The following ACIN1 variants were observed in gnomAD, a reference collection of about 807,000 sequenced individuals.
The protein encoded by ACIN1 is apoptotic chromatin condensation inducer in the nucleus.
In ACIN1, 16 loss-of-function variants were observed where a neutral mutation model predicts 146.6. The observed-to-expected ratio is 0.11, with a 90% CI of 0.07 to 0.17. The LOEUF is 0.17. ACIN1 is among the 10% of genes least tolerant of loss of function. The pLI is 1.00. For missense variants in ACIN1, 1,357 were observed against 1,609.3 expected (o/e 0.84, Z 2.68); for synonymous variants, 569 against 582.7 (o/e 0.98, Z 0.34).
At chr14:23,094,294 T>A (rs1440787228) in intron 1 of ACIN1, among the ~76,000 whole-genome samples, 3 of 152,108 alleles carry the variant, frequency 2.0e-5, no homozygotes, top group Non-Finnish European at 4.4e-5. Context: ...TACACTTGAA[T>A]CGAGCTACAC....
At chr14:23,062,076 G>C in intron 16 of ACIN1, 92 bp downstream of exon 16, 1 of 1,020,708 alleles carries the variant, frequency 9.8e-7, no homozygotes, top group East Asian at 2.4e-5. Context: ...CAGAAGCTCA[G>C]AGACTGCAGG....
In ACIN1 at chr14:23,059,135, AGTG is replaced by A. The variant is rs1159891575; in HGVS notation, c.*10_*12del. On this transcript the variant is annotated 3_prime_UTR_variant, in exon 19 of 19. Coordinates refer to ENST00000605057, the MANE Select transcript of ACIN1 (RefSeq NM_001386863.1). ...CCGAGTGGCTGGTACCTGCAGCTCT[AGTG>A]TTTTCCCAGCTAGCGGCGCCCACCC... The A allele has an allele frequency of 6.2e-7, 1 of 1,611,556 alleles. No individual in the cohort carries two copies. Among genetic ancestry groups the A allele is most frequent in the Non-Finnish European group, 8.5e-7 (1 of 1,178,756 alleles).
chr14:23,067,960 C>T lies in ACIN1; in HGVS notation c.2265+1516G>A. ...GTTGTGGCTGGCATCTCCTCAGGGA[C>T]TCCAGCTGAGACAGTGGTTCCAGTC... On this transcript the variant is annotated intron_variant, in intron 9 of 18. Transcript: ENST00000605057. This position sits in a 1 kb window ranked among gnomAD's most constrained non-coding sequence, Gnocchi z 4.6. 2 of 985,860 alleles carry T rather than the reference C, an allele frequency of 2.0e-6. No homozygotes were observed. Among genetic ancestry groups the T allele is most frequent in the Non-Finnish European group, 2.4e-6 (2 of 829,940 alleles). 61.1% of individuals were successfully genotyped at this position (985,860 alleles called of 1,614,324 possible).
In ACIN1 at chr14:23,059,546, C is replaced by G. The variant is rs2047200130; in HGVS notation, c.3526-72G>C. 2.4e-6 allele frequency: 3 copies of G among 1,242,838 alleles called. No individual in the cohort carries two copies. The African/African-American group carries it at 4.4e-5, about 18-fold the overall frequency. 77.0% of individuals were successfully genotyped at this position (1,242,838 alleles called of 1,614,324 possible). ...CACAGCCTCCATTTGTGCCTGGACC[C>G]TGCCTCCTAGCTCAGGGTCAGCTTT... On this transcript the variant is annotated intron_variant, in intron 18 of 18. Coordinates refer to ENST00000605057, the MANE Select transcript of ACIN1 (RefSeq NM_001386863.1).
intron 15 of ACIN1, 38 bp downstream of exon 15, chr14:23,062,378 A>G (rs1360445857): frequency 6.2e-7 from 1 of 1,610,380 alleles, no homozygotes; most frequent in Admixed American, 1.7e-5. Context: ...AAAAGGAAAT[A>G]TATGCCATGA....
chr14:23,080,246 C>T lies in ACIN1; in HGVS notation c.1089G>A (p.Lys363=), dbSNP rs754350134. 2 of 1,614,200 alleles carry T rather than the reference C, an allele frequency of 1.2e-6. No homozygotes were observed. Among genetic ancestry groups the T allele is most frequent in the South Asian group, 1.1e-5 (1 of 91,068 alleles). Residue 363 remains lysine, a synonymous_variant, in exon 6 of 19, where the codon AAG becomes AAA. Transcript: ENST00000605057. ...GATGAGGTGGTGGAGAAGATGCTTC[C>T]TTTGTTAGTAAAGGTGGAGGAGTCT... ...EEETPPPLLT[K]EASSPPPHPQ...
rs2048186092 is a variant in ACIN1, at chr14:23,089,973, G to A, written c.436+9C>T. 1 of 1,605,554 alleles carries A rather than the reference G, an allele frequency of 6.2e-7. No individual in the cohort carries two copies. Among genetic ancestry groups the A allele is most frequent in the Non-Finnish European group, 8.5e-7 (1 of 1,175,300 alleles). On this transcript the variant is annotated intron_variant, in intron 4 of 18. Coordinates refer to ENST00000605057, the MANE Select transcript of ACIN1 (RefSeq NM_001386863.1). ...GACAAAACAGCGCAGTGGGGAGGGA[G>A]ATACGTACTGGGCGAATGTCTGCTG...
intron 8 of ACIN1, among the ~76,000 whole-genome samples, chr14:23,074,796 T>C (rs754445899): frequency 6.6e-6 from 1 of 152,096 alleles, no homozygotes; most frequent in Non-Finnish European, 1.5e-5. Flanking sequence ...TAATATCACA[T>C]TACAACTCAT....
intron 14 of ACIN1, 37 bp from the exon 15 acceptor site, chr14:23,062,560 G>T: frequency 6.4e-7 from 1 of 1,559,406 alleles, no homozygotes; most frequent in Non-Finnish European, 8.8e-7. Context: ...TCTAGCAGAA[G>T]GCAAGACCAC....
intron 8 of ACIN1, among the ~76,000 whole-genome samples, chr14:23,070,404 C>T (rs1284192588): frequency 1.3e-5 from 2 of 152,122 alleles, no homozygotes; most frequent in African/African-American, 2.4e-5. Flanking sequence ...GTTTCTCCCA[C>T]TCCCTCATTC....
chr14:23,092,766 A>G (rs1176121507), intron 2 of ACIN1, among the ~76,000 whole-genome samples: 1 of 152,210 alleles, frequency 6.6e-6, no homozygotes, highest in African/African-American at 2.4e-5. Context: ...CAGAAACTCA[A>G]TAGTTAAAAA....
chr14:23,066,094 AGCTTAGCC>A (rs1454869903), intron 9 of ACIN1, 86 bp from the exon 10 acceptor site: 1 of 1,043,700 alleles, frequency 9.6e-7, no homozygotes, highest in African/African-American at 1.6e-5. Flanking sequence ...GGGCAGTCTT[AGCTTAGCC>A]TCCAAAGACA....
chr14:23,079,689 A>G lies in ACIN1; in HGVS notation c.1646T>C (p.Leu549Pro). ...DSSGSRSHSP[L>P]RSKQRDVAQA... ...GGCTACATCTCTCTGCTTGGATCTG[A>G]GCGGTGAATGAGACCGAGAACCTGA... Residue 549 changes from leucine (L) to proline (P), a missense_variant, in exon 6 of 19, where the codon CTC becomes CCC. Transcript: ENST00000605057. 6.2e-7 allele frequency: 1 copy of G among 1,614,048 alleles called. No homozygotes were observed. Among genetic ancestry groups the G allele is most frequent in the Non-Finnish European group, 8.5e-7 (1 of 1,180,012 alleles).
Position 23,061,492 on chromosome 14 carries a change from T to G in ACIN1, c.3230A>C (p.Gln1077Pro), listed in dbSNP as rs1376268946. The change falls in exon 17 of 19, where the codon CAG (glutamine) becomes CCG (proline). Residue 1077 changes from glutamine (Q) to proline (P), a missense_variant. Coordinates refer to ENST00000605057, the MANE Select transcript of ACIN1 (RefSeq NM_001386863.1). ...VQPPQHPRAE[Q>P]REQERAVREQ... ...CCGCACTGCCCGTTCCTGCTCCCGC[T>G]GCTCTGCCCGGGGGTGCTGTGGTGG... 2 of 1,353,368 alleles carry G rather than the reference T, an allele frequency of 1.5e-6. No homozygotes were observed. Among genetic ancestry groups the G allele is most frequent in the South Asian group, 2.3e-5 (2 of 87,708 alleles). 83.8% of individuals were successfully genotyped at this position (1,353,368 alleles called of 1,614,324 possible).
At chr14:23,085,843 A>C (rs755685478) in intron 4 of ACIN1, among the ~76,000 whole-genome samples, 1 of 152,252 alleles carries the variant, frequency 6.6e-6, no homozygotes, top group Admixed American at 6.5e-5. Context: ...GCTGATACTG[A>C]TAACAGGCTA....
At chr14:23,064,312 T>G (rs1233239516) in intron 11 of ACIN1, 43 bp downstream of exon 11, 2 of 1,613,988 alleles carry the variant, frequency 1.2e-6, no homozygotes, top group Non-Finnish European at 1.7e-6. Flanking sequence ...TACTCCCACC[T>G]TAACAGGTCT....
chr14:23,094,708 G>A (rs193186235), intron 1 of ACIN1: 15 of 657,902 alleles, frequency 2.3e-5, no homozygotes, highest in African/African-American at 2.2e-4. Flanking sequence ...GGAGGGGGTG[G>A]GGGAAGGAGG....
intron 9 of ACIN1, among the ~76,000 whole-genome samples, chr14:23,066,852 T>A (rs1566736781): frequency 6.6e-6 from 1 of 150,940 alleles, no homozygotes; most frequent in Non-Finnish European, 1.5e-5. Flanking sequence ...CCCCAAACAC[T>A]CAGTGGGTGA....
Position 23,077,424 on chromosome 14 carries a change from T to C in ACIN1, c.2123+727A>G, listed in dbSNP as rs199816153. Among the ~76,000 whole-genome samples the C allele has an allele frequency of 5.3e-5, 8 of 152,200 alleles. No homozygotes were observed. The East Asian group carries it at 1.3e-3, about 26-fold the overall frequency. On this transcript the variant is annotated intron_variant, in intron 8 of 18. Coordinates refer to ENST00000605057, the MANE Select transcript of ACIN1 (RefSeq NM_001386863.1). ...TCATTTTTTCATTTCCCAGGAGACTTTGAAGCCAGGAATTCTGGCTCATTG... is the reference window on the plus strand; with the variant it reads ...TCATTTTTTCATTTCCCAGGAGACTCTGAAGCCAGGAATTCTGGCTCATTG...
Sources: allele counts gnomAD v4.1 joint callset (sites outside exome capture counted in the v4.1 genomes callset), GRCh38; gene constraint gnomAD v4.1.1; non-coding constraint Gnocchi (gnomAD v3.1); transcripts MANE v1.5; gene names NCBI Gene and HGNC (gene_info 2026-07-23, HGNC 2026-07-21).